Variants in PITPNM2 observed in about 807,000 individuals in gnomAD.
PITPNM2 encodes phosphatidylinositol transfer protein membrane associated 2.
In PITPNM2, 35 loss-of-function variants were observed where a neutral mutation model predicts 132.2. That is an observed-to-expected ratio of 0.26 (90% CI 0.20 to 0.35). PITPNM2 has a LOEUF of 0.35. Ranked by LOEUF, PITPNM2 falls within the 10% of genes least tolerant of loss-of-function variation. The pLI, the probability that PITPNM2 is intolerant of heterozygous loss-of-function variation, is 1.00. For missense variants in PITPNM2, 1,332 were observed against 1,912.0 expected, an observed-to-expected ratio of 0.70 and a Z score of 5.66; for synonymous variants, 738 against 799.2, an observed-to-expected ratio of 0.92 and a Z score of 1.29.
chr12:123,114,216 T>A (rs1474696139), intron 1 of PITPNM2, among the ~76,000 whole-genome samples: 1 of 152,100 alleles, frequency 6.6e-6, no homozygotes, highest in African/African-American at 2.4e-5. Context: ...ACCTAGTTAT[T>A]CCTAATTTTT....
rs148835581 is a variant in PITPNM2 at position 123,095,873 on chromosome 12, G to A, written c.-96+14512C>T. Among the ~76,000 whole-genome samples the A allele has an allele frequency of 5.8e-4, 89 of 152,334 alleles. 1 individual carries two copies. Among genetic ancestry groups the A allele is most frequent in the Non-Finnish European group, 1.1e-3 (73 of 68,036 alleles). On this transcript the variant is annotated intron_variant, in intron 2 of 25. Transcript: ENST00000320201. The surrounding 1 kb of genome is among the most constrained non-coding windows in gnomAD (Gnocchi z 5.0). ...CGTCAGCACCTGAGGCTCCCTTCAT[G>A]GGCTCCACGCCCCAGTGGCAGACCC...
chr12:122,987,761 T>A (rs751910721), intron 21 of PITPNM2, 24 bp downstream of exon 21: 1 of 1,613,626 alleles, frequency 6.2e-7, no homozygotes, highest in Non-Finnish European at 8.5e-7. Context: ...CCCTCCATGT[T>A]ACCCCTACCC....
chr12:122,996,868 A>C lies in PITPNM2; in HGVS notation c.1515T>G (p.Ser505Arg). Residue 505 changes from serine to arginine, a missense_variant, in exon 12 of 26, where the codon AGT (serine) becomes AGG (arginine). Transcript: ENST00000320201. ...GGGCAGCCAGGGGAATGTGGTCCTGACTGCTGGACAGACAGCCTTCGTCAT... is the reference window on the plus strand; with the variant it reads ...GGGCAGCCAGGGGAATGTGGTCCTGCCTGCTGGACAGACAGCCTTCGTCAT... ...YSHDEGCLSSSQDHIPLAALP... is the reference protein window; with the variant it reads ...YSHDEGCLSSRQDHIPLAALP... The C allele has an allele frequency of 3.1e-6, 5 of 1,588,080 alleles. No individual in the cohort carries two copies. The highest frequency in any genetic ancestry group is 4.3e-6 in the Non-Finnish European group (5 of 1,173,302).
intron 2 of PITPNM2, among the ~76,000 whole-genome samples, chr12:123,050,701 G>A (rs1157126469): frequency 1.3e-5 from 2 of 152,228 alleles, no homozygotes; most frequent in African/African-American, 2.4e-5. Context: ...TGTGAGCGGT[G>A]TGGCCTTTAC....
rs150124865 is a variant in PITPNM2, at chr12:123,142,088, C to T, written c.-200+8665G>A. ...AAAATCTTGGTATTCAAAGAGTGCA[C>T]GACAAATTGCACCGGTCAGCAGTCA... On this transcript the variant is annotated intron_variant, in intron 1 of 25. Transcript: ENST00000320201. 5.5e-4 allele frequency among the ~76,000 whole-genome samples: 83 copies of T among 152,252 alleles called. No homozygotes were observed. In the East Asian group the frequency reaches 0.015, roughly 28 times the overall value.
Position 123,083,131 on chromosome 12 carries a change from T to C in PITPNM2, c.-96+27254A>G, listed in dbSNP as rs986016172. ...GCTACAGGAGGCTGTGGTGGGAGGA[T>C]TGTTTGACCCAGGAGTTTGAGCCCA... On this transcript the variant is annotated intron_variant, in intron 2 of 25. Transcript: ENST00000320201. This position sits in a 1 kb window ranked among gnomAD's most constrained non-coding sequence, Gnocchi z 4.5. 3 of 152,150 alleles carry C rather than the reference T, an allele frequency of 2.0e-5. No homozygotes were observed. The highest frequency in any genetic ancestry group is 7.2e-5 in the African/African-American group (3 of 41,426). 9.4% of individuals were successfully genotyped at this position (152,150 alleles called of 1,614,324 possible).
At chr12:123,020,442 T>A (rs764043672) in intron 3 of PITPNM2, among the ~76,000 whole-genome samples, 2 of 152,028 alleles carry the variant, frequency 1.3e-5, no homozygotes, top group Non-Finnish European at 2.9e-5. Context: ...ACAGTTTTGA[T>A]GCTAAGGGAA....
chr12:123,128,127 C>A (rs1437930559), intron 1 of PITPNM2, among the ~76,000 whole-genome samples: 2 of 151,472 alleles, frequency 1.3e-5, no homozygotes, highest in Non-Finnish European at 2.9e-5. Context: ...GCTACTAGAG[C>A]ATTTGACTAT....
At chr12:123,110,783 A>G (rs1051233509) in intron 1 of PITPNM2, among the ~76,000 whole-genome samples, 2 of 152,044 alleles carry the variant, frequency 1.3e-5, no homozygotes, top group African/African-American at 2.4e-5. Context: ...AAGCCATCCT[A>G]TTTTCAAAGG....
At position 122,994,901 on chromosome 12, in the gene PITPNM2, G is replaced by A. The variant is rs951431599; in HGVS notation, c.2133C>T (p.Ala711=). 8 of 1,612,326 alleles carry A rather than the reference G, an allele frequency of 5.0e-6. No homozygotes were observed. Among genetic ancestry groups the A allele is most frequent in the Non-Finnish European group, 5.9e-6 (7 of 1,179,918 alleles). ...SSSTMLDGTG[A]LGRFDFEITD... ...TGATCTCAAAGTCAAACCTGCCCAG[G>A]GCACCTGTGCCATCCAGCATGGTGG... The change falls in exon 15 of 26, where the codon GCC becomes GCT. Residue 711 remains alanine (A), a synonymous_variant. Coordinates refer to ENST00000320201, the MANE Select transcript of PITPNM2 (RefSeq NM_020845.3). The surrounding 1 kb of genome is among the most constrained non-coding windows in gnomAD (Gnocchi z 5.4).
chr12:123,009,773 G>A lies in PITPNM2; in HGVS notation c.643+77C>T. The stretch of plus-strand genomic sequence containing the variant: ...CTCCCAGGCAGACATGCAAAGAGAG[G>A]AGGCAGACAGGCAGGTGACAGGAGA... On this transcript the variant is annotated intron_variant, in intron 6 of 25. Transcript: ENST00000320201. The surrounding 1 kb of genome is among the most constrained non-coding windows in gnomAD (Gnocchi z 4.8). The A allele has an allele frequency of 7.5e-7, 1 of 1,334,778 alleles. No homozygotes were observed. Among genetic ancestry groups the A allele is most frequent in the Non-Finnish European group, 1.1e-6 (1 of 932,876 alleles). The allele number at this position is 1,334,778 out of a possible 1,614,324, so 82.7% of individuals were successfully genotyped here. A position where few individuals can be genotyped will look rare whatever the true frequency, so the allele number is the denominator to read the frequency against.
At chr12:123,132,174 T>C (rs1026802853) in intron 1 of PITPNM2, among the ~76,000 whole-genome samples, 1 of 152,194 alleles carries the variant, frequency 6.6e-6, no homozygotes. Flanking sequence ...TTCCACTCAC[T>C]GAGAGCAAGC....
chr12:123,065,102 C>T (rs549586229), intron 2 of PITPNM2, among the ~76,000 whole-genome samples: 1 of 152,244 alleles, frequency 6.6e-6, no homozygotes, highest in Admixed American at 6.5e-5. Context: ...GGCCCCTGGA[C>T]GGCTGCACAA....
At chr12:123,049,955 G>A (rs1159630247) in intron 2 of PITPNM2, among the ~76,000 whole-genome samples, 3 of 152,238 alleles carry the variant, frequency 2.0e-5, no homozygotes, top group Non-Finnish European at 4.4e-5. Flanking sequence ...CAGCCAAAGT[G>A]CTAATTACAA....
In PITPNM2 at chr12:123,031,633, T is replaced by C. The variant is rs374640401; in HGVS notation, c.78+2880A>G. 1.3e-5 allele frequency among the ~76,000 whole-genome samples: 2 copies of C among 151,842 alleles called. No homozygotes were observed. The highest frequency in any genetic ancestry group is 1.5e-5 in the Non-Finnish European group (1 of 67,974). On this transcript the variant is annotated intron_variant, in intron 3 of 25. Coordinates refer to ENST00000320201, the MANE Select transcript of PITPNM2 (RefSeq NM_020845.3). The surrounding 1 kb of genome is among the most constrained non-coding windows in gnomAD (Gnocchi z 4.5). ...AGACCCCCTGCCCATCACCAAGCTG[T>C]CTATCCGACACCCCCAGCCTCAAGG...
chr12:123,107,127 A>G (rs553849914), intron 2 of PITPNM2, among the ~76,000 whole-genome samples: 71 of 152,290 alleles, frequency 4.7e-4, no homozygotes, highest in African/African-American at 1.6e-3. Flanking sequence ...TGCCCATGTC[A>G]TGAGCTCTCT....
At chr12:123,132,721 T>A (rs2043295183) in intron 1 of PITPNM2, among the ~76,000 whole-genome samples, 1 of 152,128 alleles carries the variant, frequency 6.6e-6, no homozygotes, top group South Asian at 2.1e-4. Flanking sequence ...ACTTTCTGTA[T>A]CTGTGTATTT....
intron 1 of PITPNM2, among the ~76,000 whole-genome samples, chr12:123,130,461 G>A (rs572370462): frequency 2.6e-5 from 4 of 152,266 alleles, no homozygotes; most frequent in Admixed American, 2.0e-4. Flanking sequence ...TGTCCTTCTT[G>A]GCTCCAAGGG....
rs190175285 is a variant in PITPNM2 at position 123,035,523 on chromosome 12, G to A, written c.-95-838C>T. The stretch of plus-strand genomic sequence containing the variant: ...TCTACTAAAAACACAAAAATTAGCC[G>A]CAGGTGGTGGCAGGAGCCTGTGGTC... On this transcript the variant is annotated intron_variant, in intron 2 of 25. Coordinates refer to ENST00000320201, the MANE Select transcript of PITPNM2 (RefSeq NM_020845.3). 4.3e-4 allele frequency among the ~76,000 whole-genome samples: 65 copies of A among 152,194 alleles called. 1 individual carries two copies. The highest frequency in any genetic ancestry group is 1.5e-3 in the South Asian group (7 of 4,818).
Sources: gnomAD v4.1 joint callset for allele counts (sites outside exome capture counted in the v4.1 genomes callset) on GRCh38, gnomAD v4.1.1 for gene constraint, Gnocchi (gnomAD v3.1) non-coding constraint, MANE v1.5 for transcripts, NCBI Gene and HGNC (gene_info 2026-07-23, HGNC 2026-07-21) for gene names.